TBC1D32: variants seen among roughly 807,000 people sequenced by gnomAD.
The protein encoded by TBC1D32 is TBC1 domain family member 32, also known as protein broad-minded.
In TBC1D32, 151 loss-of-function variants were observed where a neutral mutation model predicts 170.3. The observed-to-expected ratio is 0.89, with a 90% confidence interval of 0.78 to 1.01. The LOEUF is 1.01. TBC1D32 is among the 50% of genes least tolerant of loss of function. TBC1D32 has a pLI of 0.00. For synonymous variants in TBC1D32, 498 were observed against 488.0 expected, an observed-to-expected ratio of 1.02 and a Z score of -0.27; for missense variants, 1,464 against 1,457.1, an observed-to-expected ratio of 1.00 and a Z score of -0.08.
intron 1 of TBC1D32, among the ~76,000 whole-genome samples, chr6:121,324,582 A>G (rs1326626597): frequency 6.6e-6 from 1 of 152,188 alleles, no homozygotes; most frequent in Non-Finnish European, 1.5e-5. Context: ...ATATCATAGA[A>G]AACAGCCTCT....
In TBC1D32 at chr6:121,148,788, A is replaced by T. The variant is rs369017449; in HGVS notation, c.2773+11222T>A. Among the ~76,000 whole-genome samples the T allele has an allele frequency of 1.4e-3, 214 of 152,054 alleles. 2 individuals are homozygous for T. The highest frequency in any genetic ancestry group is 4.9e-3 in the African/African-American group (205 of 41,466). ...GCCACCATGCCCAGCGAATGTTTGG[A>T]TTTTTAGTAAAGATGTGGTTTCACC... On this transcript the variant is annotated intron_variant, in intron 24 of 31. Coordinates refer to ENST00000398212, the MANE Select transcript of TBC1D32 (RefSeq NM_152730.6).
Position 121,158,712 on chromosome 6 carries a change from A to G in TBC1D32, c.2773+1298T>C, listed in dbSNP as rs536698987. The stretch of plus-strand genomic sequence containing the variant: ...ATACAGAAACTTTATTTGTGGCTGA[A>G]TTTTTGCCTTAAGTGTCACAGGCAC... On this transcript the variant is annotated intron_variant, in intron 24 of 31. Transcript: ENST00000398212. 5.3e-5 allele frequency among the ~76,000 whole-genome samples: 8 copies of G among 152,242 alleles called. No homozygotes were observed. The East Asian group carries it at 1.5e-3, about 29-fold the overall frequency.
intron 22 of TBC1D32, among the ~76,000 whole-genome samples, chr6:121,197,954 A>G (rs1790971955): frequency 1.3e-5 from 2 of 151,906 alleles, no homozygotes; most frequent in South Asian, 4.1e-4. Flanking sequence ...GCAGGCAGAA[A>G]AACATGAAAA....
At chr6:121,255,478 T>TATATTTATAATTATATTTTATAATG (rs1798849398) in intron 16 of TBC1D32, 68 bp from the exon 17 acceptor site, 3 of 341,546 alleles carry the variant, frequency 8.8e-6, no homozygotes, top group Admixed American at 5.5e-5. Context: ...ATTTTATAAT[T>TATATTTATAATTATATTTTATAATG]ATATTTATAA....
chr6:121,152,456 G>T (rs1228868521), intron 24 of TBC1D32, among the ~76,000 whole-genome samples: 1 of 152,092 alleles, frequency 6.6e-6, no homozygotes, highest in Admixed American at 6.6e-5. Context: ...CAACCTTGGT[G>T]ATTCTGTCGA....
At chr6:121,134,182 C>CT (rs1219221083) in intron 24 of TBC1D32, among the ~76,000 whole-genome samples, 1 of 152,080 alleles carries the variant, frequency 6.6e-6, no homozygotes. Flanking sequence ...GTTTTTTCAT[C>CT]TTTGTTTCCT....
chr6:121,298,670 T>G (rs781074483), intron 10 of TBC1D32, among the ~76,000 whole-genome samples: 14 of 152,092 alleles, frequency 9.2e-5, no homozygotes, highest in South Asian at 2.1e-4. Flanking sequence ...CCTCTCTTCT[T>G]CTGCTGCTCA....
rs1315895669 is a variant in TBC1D32, at chr6:121,080,908, G to C, written c.3655-18C>G. On this transcript the variant is annotated intron_variant, in intron 31 of 31. Coordinates refer to ENST00000398212, the MANE Select transcript of TBC1D32 (RefSeq NM_152730.6). The stretch of plus-strand genomic sequence containing the variant: ...GCTTCTTCCTGCCAAAAATTACAAA[G>C]GGAAAATTATTTACTTGAGTAAGAC... 1 of 1,603,258 alleles carries C rather than the reference G, an allele frequency of 6.2e-7. No homozygotes were observed. Among genetic ancestry groups the C allele is most frequent in the Admixed American group, 1.7e-5 (1 of 57,144 alleles).
At chr6:121,081,010 T>C in intron 31 of TBC1D32, 120 bp from the exon 32 acceptor site, 1 of 1,166,866 alleles carries the variant, frequency 8.6e-7, no homozygotes, top group East Asian at 2.5e-5. Flanking sequence ...GGGCTGTTTA[T>C]GTTGCCAGTA....
At position 121,160,088 on chromosome 6, in the gene TBC1D32, G is replaced by A; in HGVS notation, c.2695C>T (p.Pro899Ser). 4 of 1,602,010 alleles carry A rather than the reference G, an allele frequency of 2.5e-6. No individual in the cohort carries two copies. The highest frequency in any genetic ancestry group is 3.4e-6 in the Non-Finnish European group (4 of 1,170,768). ...GGATATGATGAAAACATTGGCCAAG[G>A]ATATGGATTATCACTCTAAAAAAGA... ...RLLEKSDNPYPWPMFSSYPLP... is the reference protein window; with the variant it reads ...RLLEKSDNPYSWPMFSSYPLP... Residue 899 changes from proline to serine, a missense_variant, in exon 24 of 32, where the codon CCT becomes TCT. Pro to Ser is a moderately conservative substitution (Grantham distance 74). Transcript: ENST00000398212.
At chr6:121,188,056 A>G (rs897893354) in intron 22 of TBC1D32, among the ~76,000 whole-genome samples, 1 of 152,120 alleles carries the variant, frequency 6.6e-6, no homozygotes, top group African/African-American at 2.4e-5. Flanking sequence ...ACCAACTACC[A>G]GTTTTGTCAC....
chr6:121,184,155 G>A (rs1273757), intron 22 of TBC1D32, among the ~76,000 whole-genome samples: 17,737 of 151,962 alleles, frequency 0.12, 1,494 homozygotes, highest in Admixed American at 0.23. Context: ...CACCAGGCAC[G>A]GACAATGTAT....
In TBC1D32 at chr6:121,242,252, A is replaced by G; in HGVS notation, c.2106T>C (p.Ala702=). 1 of 1,612,624 alleles carries G rather than the reference A, an allele frequency of 6.2e-7. No individual in the cohort carries two copies. Among genetic ancestry groups the G allele is most frequent in the Non-Finnish European group, 8.5e-7 (1 of 1,179,248 alleles). ...ATATAAATGTCACACATTCATTGAT[A>G]GCACCTGTTCTTTGAAGAAGTAGTA... is the stretch of plus-strand genomic sequence containing the variant. ...KGLLLLQRTG[A]INECVTFIFN... The change falls in exon 18 of 32, where the codon GCT becomes GCC. Residue 702 remains alanine, a synonymous_variant. Coordinates refer to ENST00000398212, the MANE Select transcript of TBC1D32 (RefSeq NM_152730.6).
intron 17 of TBC1D32, among the ~76,000 whole-genome samples, chr6:121,242,619 T>C (rs1563047494): frequency 1.3e-5 from 2 of 152,102 alleles, no homozygotes; most frequent in Non-Finnish European, 2.9e-5. Context: ...GGTTCTCTCA[T>C]CCACACACTA....
chr6:121,091,441 T>C (rs1453892263), intron 30 of TBC1D32, among the ~76,000 whole-genome samples: 1 of 152,180 alleles, frequency 6.6e-6, no homozygotes, highest in African/African-American at 2.4e-5. Flanking sequence ...TGTATAATTA[T>C]GCAGATGACA....
rs1203667608 is a variant in TBC1D32 at position 121,079,527 on chromosome 6, A to G, written c.*1244T>C. The G allele has an allele frequency of 6.6e-6, 1 of 152,156 alleles. No homozygotes were observed. The highest frequency in any genetic ancestry group is 1.5e-5 in the Non-Finnish European group (1 of 67,996). 9.4% of individuals were successfully genotyped at this position (152,156 alleles called of 1,614,324 possible). A position where few individuals can be genotyped will look rare whatever the true frequency, so the allele number is the denominator to read the frequency against. Reference sequence around the variant, plus strand: ...AGAATGATTTTAATGGTTGATTTATATTTAGATACAAGGAAAGAATAAAAA... The same window carrying G: ...AGAATGATTTTAATGGTTGATTTATGTTTAGATACAAGGAAAGAATAAAAA... On this transcript the variant is annotated 3_prime_UTR_variant, in exon 32 of 32. Transcript: ENST00000398212.
intron 21 of TBC1D32, among the ~76,000 whole-genome samples, chr6:121,212,905 T>C (rs2088832): frequency 0.66 from 100,139 of 152,024 alleles, 38,137 homozygotes; most frequent in Non-Finnish European, 0.85. Flanking sequence ...CATATGCAAA[T>C]CAATAAACAT....
At chr6:121,305,423 T>TATTATCCCTTTA (rs1410903885) in intron 5 of TBC1D32, among the ~76,000 whole-genome samples, 2 of 152,018 alleles carry the variant, frequency 1.3e-5, no homozygotes, top group Non-Finnish European at 2.9e-5. Context: ...TGGTAGCTAT[T>TATTATCCCTTTA]ATTATCCCTT....
At chr6:121,193,948 A>ATCT (rs1436687305) in intron 22 of TBC1D32, among the ~76,000 whole-genome samples, 7 of 152,314 alleles carry the variant, frequency 4.6e-5, no homozygotes, top group Non-Finnish European at 1.0e-4. Flanking sequence ...TAGGCTGTGA[A>ATCT]TATTTCTCCC....
Sources: allele counts gnomAD v4.1 joint callset (sites outside exome capture counted in the v4.1 genomes callset), GRCh38; gene constraint gnomAD v4.1.1; transcripts MANE v1.5; gene names NCBI Gene and HGNC (gene_info 2026-07-23, HGNC 2026-07-21).